Variants in SRSF12 observed in about 807,000 individuals in gnomAD.
SRSF12 encodes serine/arginine-rich splicing factor 12.
Under a neutral mutation model 34.1 loss-of-function variants are expected in SRSF12, and 21 were observed. The ratio of observed to expected loss-of-function variants is 0.62; its 90% CI spans 0.44 to 0.89. The LOEUF is 0.89. Ranked by LOEUF, SRSF12 falls within the 40% of genes least tolerant of loss-of-function variation. The pLI is 0.00. For missense variants in SRSF12, 278 were observed against 327.8 expected, an observed-to-expected ratio of 0.85 and a Z score of 1.17; for synonymous variants, 111 against 110.8, an observed-to-expected ratio of 1.00 and a Z score of -0.01.
At chr6:89,115,632 T>C (rs1041720855) in intron 1 of SRSF12, among the ~76,000 whole-genome samples, 14 of 114,000 alleles carry the variant, frequency 1.2e-4, no homozygotes, top group African/African-American at 2.2e-4. Flanking sequence ...TTTTTCTTTC[T>C]TTTTTTTTTT....
At chr6:89,107,427 G>C (rs552232001) in intron 1 of SRSF12, among the ~76,000 whole-genome samples, 169 bp from the exon 2 acceptor site, 3 of 152,068 alleles carry the variant, frequency 2.0e-5, no homozygotes, top group Admixed American at 1.3e-4. Context: ...AGGGAAAAAA[G>C]AAAGGAAAAA....
rs1054761873 is a variant in SRSF12, at chr6:89,112,452, T to C, written c.66-5194A>G. 1.0e-4 allele frequency among the ~76,000 whole-genome samples: 15 copies of C among 150,390 alleles called. No homozygotes were observed. The South Asian group carries it at 2.9e-3, about 29-fold the overall frequency. On this transcript the variant is annotated intron_variant, in intron 1 of 4. Coordinates refer to ENST00000452027, the MANE Select transcript of SRSF12 (RefSeq NM_080743.5). ...AGTCTCATTTTCTTTTCTTTCTTTT[T>C]TTTTTTTTTTTGGAGACAGGGTCTC...
At chr6:89,103,739 C>T (rs1005700571) in intron 4 of SRSF12, among the ~76,000 whole-genome samples, 25 of 151,884 alleles carry the variant, frequency 1.6e-4, no homozygotes, top group Non-Finnish European at 3.4e-4. Flanking sequence ...GGATTACAGG[C>T]GTGAGCCACT....
intron 1 of SRSF12, among the ~76,000 whole-genome samples, chr6:89,114,976 T>G (rs1769225780): frequency 6.6e-6 from 1 of 152,072 alleles, no homozygotes; most frequent in Non-Finnish European, 1.5e-5. Context: ...TTTTGTATCT[T>G]TAGTAGAGAC....
chr6:89,107,320 C>G, intron 1 of SRSF12, 62 bp from the exon 2 acceptor site: 1 of 1,310,178 alleles, frequency 7.6e-7, no homozygotes, highest in Non-Finnish European at 1.1e-6. Context: ...ATTTTGCCTA[C>G]AGAAATCCAC....
rs367785628 is a variant in SRSF12, at chr6:89,107,628, G to A, written c.66-370C>T. Among the ~76,000 whole-genome samples the A allele has an allele frequency of 3.9e-5, 6 of 152,228 alleles. No homozygotes were observed. The East Asian group carries it at 1.2e-3, about 29-fold the overall frequency. Reference sequence around the variant, plus strand: ...TGCCTGTAGTCCCAGCTACTCGGGAGGCTGAGGCGGGAGAATCACCTGAGT... The same window carrying A: ...TGCCTGTAGTCCCAGCTACTCGGGAAGCTGAGGCGGGAGAATCACCTGAGT... On this transcript the variant is annotated intron_variant, in intron 1 of 4. Transcript: ENST00000452027.
intron 1 of SRSF12, among the ~76,000 whole-genome samples, chr6:89,111,312 G>C (rs1190293675): frequency 6.6e-6 from 1 of 152,150 alleles, no homozygotes; most frequent in Non-Finnish European, 1.5e-5. Flanking sequence ...TGTTATGCTA[G>C]CTTTTAAAAT....
chr6:89,109,943 T>G (rs1026031837), intron 1 of SRSF12, among the ~76,000 whole-genome samples: 1 of 151,938 alleles, frequency 6.6e-6, no homozygotes, highest in Admixed American at 6.6e-5. Context: ...TACAAAAAAT[T>G]AACTGGGCGT....
intron 4 of SRSF12, among the ~76,000 whole-genome samples, chr6:89,104,207 A>T (rs1768677567): frequency 6.8e-6 from 1 of 147,278 alleles, no homozygotes; most frequent in Non-Finnish European, 1.5e-5. Context: ...AATTTTATTT[A>T]TCTAAAACTC....
intron 1 of SRSF12, among the ~76,000 whole-genome samples, chr6:89,117,035 C>A (rs1016400875): frequency 6.6e-6 from 1 of 152,048 alleles, no homozygotes; most frequent in East Asian, 1.9e-4. Context: ...CGTTCCCTCT[C>A]CCCCCGCCCC....
intron 1 of SRSF12, among the ~76,000 whole-genome samples, chr6:89,116,545 T>C (rs951554394): frequency 6.6e-6 from 1 of 152,108 alleles, no homozygotes; most frequent in Non-Finnish European, 1.5e-5. Flanking sequence ...GAGGCCGAGC[T>C]GGGCGGATCA....
chr6:89,102,206 C>G (rs563742787), intron 4 of SRSF12, among the ~76,000 whole-genome samples: 3 of 151,912 alleles, frequency 2.0e-5, no homozygotes, highest in African/African-American at 7.3e-5. Context: ...TGCAGTGGGG[C>G]GAGCTTGGCT....
In SRSF12 at chr6:89,117,947, G is replaced by A; in HGVS notation, c.-60C>T. On this transcript the variant is annotated 5_prime_UTR_variant, in exon 1 of 5. Coordinates refer to ENST00000452027, the MANE Select transcript of SRSF12 (RefSeq NM_080743.5). ...GGCCGCTGGACTCGCTCCGTCTCCC[G>A]CTACCGCTGCTACCACCACAGGAGC... 4 of 1,489,616 alleles carry A rather than the reference G, an allele frequency of 2.7e-6. No individual in the cohort carries two copies. Among genetic ancestry groups the A allele is most frequent in the Non-Finnish European group, 3.6e-6 (4 of 1,110,296 alleles). 92.3% of individuals were successfully genotyped at this position (1,489,616 alleles called of 1,614,324 possible).
At position 89,099,620 on chromosome 6, in the gene SRSF12, C is replaced by A. The variant is rs536695209; in HGVS notation, c.417-673G>T. On this transcript the variant is annotated intron_variant, in intron 4 of 4. Coordinates refer to ENST00000452027, the MANE Select transcript of SRSF12 (RefSeq NM_080743.5). Reference sequence around the variant, plus strand: ...GCACGATCTCAGCTCACCGCAACCTCCGCCTCCCAGGTTTGAGCAATTCTT... The same window carrying A: ...GCACGATCTCAGCTCACCGCAACCTACGCCTCCCAGGTTTGAGCAATTCTT... Among the ~76,000 whole-genome samples the A allele has an allele frequency of 2.0e-5, 3 of 150,724 alleles. No homozygotes were observed. The East Asian group carries it at 5.9e-4, about 30-fold the overall frequency.
At chr6:89,101,500 T>C (rs1462212049) in intron 4 of SRSF12, among the ~76,000 whole-genome samples, 1 of 152,084 alleles carries the variant, frequency 6.6e-6, no homozygotes, top group African/African-American at 2.4e-5. Flanking sequence ...GGCAGGTGGA[T>C]CACCTGAGGT....
At chr6:89,099,413 T>TATATATATATATGTGTATATATATAC (rs370117225) in intron 4 of SRSF12, among the ~76,000 whole-genome samples, 4 of 140,030 alleles carry the variant, frequency 2.9e-5, no homozygotes, top group Non-Finnish European at 4.6e-5. Context: ...CATATATATA[T>TATATATATATATGTGTATATATATAC]ACATATATAT....
intron 2 of SRSF12, chr6:89,105,801 G>T: frequency 1.0e-5 from 2 of 194,796 alleles, no homozygotes; most frequent in Non-Finnish European, 2.1e-5. Context: ...TGTGGCTGCA[G>T]TATGCATGTA....
At chr6:89,108,419 A>G (rs1768892357) in intron 1 of SRSF12, among the ~76,000 whole-genome samples, 1 of 152,222 alleles carries the variant, frequency 6.6e-6, no homozygotes, top group African/African-American at 2.4e-5. Context: ...CAGGTGATAC[A>G]GACAGAGTAA....
Position 89,117,995 on chromosome 6 carries a change from C to G in SRSF12, c.-108G>C. 2 of 1,243,744 alleles carry G rather than the reference C, an allele frequency of 1.6e-6. No homozygotes were observed. The highest frequency in any genetic ancestry group is 2.8e-5 in the Admixed American group (1 of 35,998). 77.0% of individuals were successfully genotyped at this position (1,243,744 alleles called of 1,614,324 possible). Reference sequence around the variant, plus strand: ...AGCTCCGCCGGCCCCCGGCGCGACCCCCACCCCTCGGCCTCAGCCCCGCCA... The same window carrying G: ...AGCTCCGCCGGCCCCCGGCGCGACCGCCACCCCTCGGCCTCAGCCCCGCCA... On this transcript the variant is annotated 5_prime_UTR_variant, in exon 1 of 5. Coordinates refer to ENST00000452027, the MANE Select transcript of SRSF12 (RefSeq NM_080743.5).
Sources: gnomAD v4.1 joint callset for allele counts (sites outside exome capture counted in the v4.1 genomes callset) on GRCh38, gnomAD v4.1.1 for gene constraint, MANE v1.5 for transcripts, NCBI Gene and HGNC (gene_info 2026-07-23, HGNC 2026-07-21) for gene names.